PABPC4L: variants seen among roughly 807,000 people sequenced by gnomAD.
PABPC4L encodes polyadenylate-binding protein 4-like.
For missense variants in PABPC4L, 452 were observed against 451.4 expected (o/e 1.00, Z -0.01); for synonymous variants, 169 against 164.1 (o/e 1.03, Z -0.23).
chr4:134,016,148 G>A, the PABPC4L span, among the ~76,000 whole-genome samples: 3 of 152,108 alleles, frequency 2.0e-5, no homozygotes, highest in African/African-American at 7.2e-5. Flanking sequence ...CACCAGCAAA[G>A]GTAGGCTATG....
the PABPC4L span, among the ~76,000 whole-genome samples, chr4:134,067,413 C>A: frequency 6.6e-6 from 1 of 151,948 alleles, no homozygotes; most frequent in African/African-American, 2.4e-5. Context: ...TTTGGATCTT[C>A]TTTCTTTTTT....
At chr4:134,146,905 T>C in the PABPC4L span, among the ~76,000 whole-genome samples, 1 of 152,012 alleles carries the variant, frequency 6.6e-6, no homozygotes, top group Admixed American at 6.6e-5. Context: ...GGCACCTCAG[T>C]TTTTCAGGCT....
chr4:134,194,140 C>T (rs1729588805), downstream of PABPC4L, among the ~76,000 whole-genome samples: 1 of 151,688 alleles, frequency 6.6e-6, no homozygotes, highest in East Asian at 1.9e-4. Flanking sequence ...AGTTATGTTG[C>T]CTGCCTTGGG....
At chr4:134,165,106 C>T in the PABPC4L span, among the ~76,000 whole-genome samples, 1 of 152,040 alleles carries the variant, frequency 6.6e-6, no homozygotes, top group African/African-American at 2.4e-5. Context: ...ACTGGATCCC[C>T]ATCTCTCACC....
chr4:134,018,270 T>C, the PABPC4L span, among the ~76,000 whole-genome samples: 20 of 152,134 alleles, frequency 1.3e-4, no homozygotes, highest in East Asian at 3.9e-3. Flanking sequence ...TCCCACCCCA[T>C]CTCCCTTGCT....
At chr4:134,013,138 C>T in the PABPC4L span, among the ~76,000 whole-genome samples, 2 of 152,012 alleles carry the variant, frequency 1.3e-5, no homozygotes, top group South Asian at 2.1e-4. Flanking sequence ...GTCTCTACCC[C>T]TTCTCCGCTT....
chr4:134,079,309 C>A, the PABPC4L span, among the ~76,000 whole-genome samples: 1 of 150,750 alleles, frequency 6.6e-6, no homozygotes, highest in African/African-American at 2.4e-5. Context: ...CAGCCGGGTG[C>A]GGTGGCTCAC....
downstream of PABPC4L, among the ~76,000 whole-genome samples, chr4:134,193,224 A>T (rs1729561362): frequency 6.6e-6 from 1 of 151,684 alleles, no homozygotes; most frequent in Non-Finnish European, 1.5e-5. Context: ...TCATCTTTTT[A>T]AAGAGTTGAA....
At chr4:134,174,477 C>A in the PABPC4L span, among the ~76,000 whole-genome samples, 7 of 152,230 alleles carry the variant, frequency 4.6e-5, no homozygotes, top group East Asian at 1.4e-3. Flanking sequence ...GATGAGTAAG[C>A]CTTGTGCTAT....
the PABPC4L span, among the ~76,000 whole-genome samples, chr4:134,181,501 T>G: frequency 6.6e-6 from 1 of 152,012 alleles, no homozygotes; most frequent in African/African-American, 2.4e-5. Flanking sequence ...CTCAACATAG[T>G]GCTAGATATC....
chr4:134,054,221 T>G, the PABPC4L span, among the ~76,000 whole-genome samples: 1 of 143,228 alleles, frequency 7.0e-6, no homozygotes, highest in African/African-American at 2.5e-5. Context: ...ATATTTTGAT[T>G]TTTTTTAAAG....
At chr4:134,096,154 A>AT in the PABPC4L span, among the ~76,000 whole-genome samples, 1 of 151,862 alleles carries the variant, frequency 6.6e-6, no homozygotes, top group Non-Finnish European at 1.5e-5. Flanking sequence ...TGTGGTACTC[A>AT]TTTTTTATTT....
At chr4:134,046,036 A>C in the PABPC4L span, among the ~76,000 whole-genome samples, 2 of 152,138 alleles carry the variant, frequency 1.3e-5, no homozygotes, top group African/African-American at 4.8e-5. Context: ...GTCAGGTGGG[A>C]CAAGAGACTG....
chr4:134,135,846 A>G, the PABPC4L span, among the ~76,000 whole-genome samples: 1 of 152,112 alleles, frequency 6.6e-6, no homozygotes, highest in Non-Finnish European at 1.5e-5. Context: ...AAATAAATAA[A>G]TAAATAAAAT....
At chr4:134,077,716 T>G in the PABPC4L span, among the ~76,000 whole-genome samples, 1 of 152,174 alleles carries the variant, frequency 6.6e-6, no homozygotes, top group Non-Finnish European at 1.5e-5. Context: ...AACCTCCCCT[T>G]CATTATTCAA....
the PABPC4L span, among the ~76,000 whole-genome samples, chr4:134,158,147 T>C: frequency 2.0e-5 from 3 of 151,922 alleles, no homozygotes; most frequent in Admixed American, 6.6e-5. Context: ...CCCATCTCCC[T>C]ACAAATCTGA....
At chr4:134,133,120 A>AT in the PABPC4L span, among the ~76,000 whole-genome samples, 1 of 16,814 alleles carries the variant, frequency 5.9e-5, no homozygotes, top group African/African-American at 6.3e-4. Flanking sequence ...ATATTATATA[A>AT]TATATCATAT....
chr4:134,024,786 A>G, the PABPC4L span, among the ~76,000 whole-genome samples: 1 of 148,698 alleles, frequency 6.7e-6, no homozygotes, highest in Non-Finnish European at 1.5e-5. Flanking sequence ...CTTTTTAAAC[A>G]TGTACTGTCT....
At position 134,200,066 on chromosome 4, in the gene PABPC4L, T is replaced by G. The variant is rs1207342892; in HGVS notation, c.954A>C (p.Ser318=). The G allele has an allele frequency of 6.4e-6, 10 of 1,551,560 alleles. No homozygotes were observed. Among genetic ancestry groups the G allele is most frequent in the Non-Finnish European group, 8.7e-6 (10 of 1,146,982 alleles). ...KLRNEFSSFG[S]ISRVKVMQEE... is the part of the protein sequence containing the mutation. ...CCTGCATTACCTTAACTCTGCTAAT[T>G]GATCCAAATGAAGAAAATTCGTTTC... The change falls in exon 2 of 2, where the codon TCA becomes TCC. Residue 318 remains serine, a synonymous_variant. Coordinates refer to ENST00000421491, the MANE Select transcript of PABPC4L (RefSeq NM_001114734.2).
Sources: allele counts gnomAD v4.1 joint callset (sites outside exome capture counted in the v4.1 genomes callset), GRCh38; gene constraint gnomAD v4.1.1; transcripts MANE v1.5; gene names NCBI Gene and HGNC (gene_info 2026-07-23, HGNC 2026-07-21).